DTWD1: variants seen among roughly 807,000 people sequenced by gnomAD.
DTWD1 encodes the protein tRNA-uridine aminocarboxypropyltransferase 1.
Under a neutral mutation model 30.2 loss-of-function variants are expected in DTWD1, and 27 were observed. The ratio of observed to expected loss-of-function variants is 0.90; its 90% CI spans 0.66 to 1.23. The LOEUF is 1.23. Ranked by LOEUF, DTWD1 falls within the 50% of genes most tolerant of loss-of-function variation. DTWD1 has a pLI of 0.00. For missense variants in DTWD1, 342 were observed against 348.8 expected, an observed-to-expected ratio of 0.98 and a Z score of 0.15; for synonymous variants, 99 against 113.1, an observed-to-expected ratio of 0.88 and a Z score of 0.79.
In DTWD1 at chr15:49,646,006, A is replaced by T. The variant is rs1567748867; in HGVS notation, c.*2428A>T. ...CCCACTGTGATTCTGGGTCATCTGC[A>T]TTCAGAGATTTAGTGCATTTTTACT... On this transcript the variant is annotated 3_prime_UTR_variant, in exon 5 of 5. Transcript: ENST00000403028. 1 of 152,136 alleles carries T rather than the reference A, an allele frequency of 6.6e-6. No homozygotes were observed. The highest frequency in any genetic ancestry group is 2.4e-5 in the African/African-American group (1 of 41,442). The allele number at this position is 152,136 out of a possible 1,614,324, so 9.4% of individuals were successfully genotyped here.
chr15:49,643,379 A>T lies in DTWD1; in HGVS notation c.716A>T (p.His239Leu). 1 of 1,570,962 alleles carries T rather than the reference A, an allele frequency of 6.4e-7. No individual in the cohort carries two copies. The highest frequency in any genetic ancestry group is 8.6e-7 in the Non-Finnish European group (1 of 1,166,710). Residue 239 changes from histidine to leucine, a missense_variant, in exon 5 of 5, where the codon CAT (histidine) becomes CTT (leucine). By Grantham distance (99) the His-to-Leu change is moderately conservative. Coordinates refer to ENST00000403028, the MANE Select transcript of DTWD1 (RefSeq NM_001144955.2). ...LKTRKTCFWRHQKGKPDTFLS... is the reference protein window; with the variant it reads ...LKTRKTCFWRLQKGKPDTFLS... ...ACAAGAAAAACTTGCTTTTGGCGCC[A>T]TCAAAAAGGAAAGCCAGATACTTTC...
chr15:49,655,218 G>C lies in DTWD1; in HGVS notation c.*11640G>C, dbSNP rs544210660. 29 of 152,180 alleles carry C rather than the reference G, an allele frequency of 1.9e-4. No homozygotes were observed. The highest frequency in any genetic ancestry group is 7.0e-4 in the African/African-American group (29 of 41,546). 9.4% of individuals were successfully genotyped at this position (152,180 alleles called of 1,614,324 possible). Reference sequence around the variant, plus strand: ...CATGCAACCACATAAGTGACCCTGGGTAACACCATCTGGAGCTGAAGAACC... The same window carrying C: ...CATGCAACCACATAAGTGACCCTGGCTAACACCATCTGGAGCTGAAGAACC... On this transcript the variant is annotated 3_prime_UTR_variant, in exon 5 of 5. Transcript: ENST00000403028.
At chr15:49,631,917 A>AAGATTCTCTGTTAAATG in intron 2 of DTWD1, 1 of 464,778 alleles carries the variant, frequency 2.2e-6, no homozygotes, top group Non-Finnish European at 3.9e-6. Context: ...GCTTTAAGAG[A>AAGATTCTCTGTTAAATG]AGATTCTCTG....
chr15:49,625,600 G>C, intron 2 of DTWD1, 169 bp downstream of exon 2: 1 of 698,336 alleles, frequency 1.4e-6, no homozygotes, highest in Non-Finnish European at 2.3e-6. Context: ...TTCTCAGCAG[G>C]GCACATTTAC....
chr15:49,634,494 G>A, intron 3 of DTWD1, 42 bp from the exon 4 acceptor site: 1 of 1,523,048 alleles, frequency 6.6e-7, no homozygotes, highest in African/African-American at 1.4e-5. Context: ...ATATTTTGAA[G>A]ATCATAGTAG....
rs1480954718 is a variant in DTWD1 at position 49,652,642 on chromosome 15, G to C, written c.*9064G>C. On this transcript the variant is annotated 3_prime_UTR_variant, in exon 5 of 5. Coordinates refer to ENST00000403028, the MANE Select transcript of DTWD1 (RefSeq NM_001144955.2). The stretch of plus-strand genomic sequence containing the variant: ...AAGCCCCACTGCAGCAGCAAGCACT[G>C]TAATTTGTCCCACTAATCTCCCATC... 1 of 148,060 alleles carries C rather than the reference G, an allele frequency of 6.8e-6. No individual in the cohort carries two copies. The highest frequency in any genetic ancestry group is 1.5e-5 in the Non-Finnish European group (1 of 68,086). The allele number at this position is 148,060 out of a possible 1,614,324, so 9.2% of individuals were successfully genotyped here.
intron 2 of DTWD1, among the ~76,000 whole-genome samples, chr15:49,630,629 A>G (rs2078906782): frequency 6.6e-6 from 1 of 152,272 alleles, no homozygotes; most frequent in Non-Finnish European, 1.5e-5. Context: ...TACAAAATCC[A>G]AGAGAATATT....
intron 1 of DTWD1, 114 bp from the exon 2 acceptor site, chr15:49,624,999 A>T: frequency 1.6e-6 from 1 of 635,434 alleles, no homozygotes; most frequent in Non-Finnish European, 2.6e-6. Flanking sequence ...AAACATGTTT[A>T]ATAAGTACTA....
At position 49,648,996 on chromosome 15, in the gene DTWD1, T is replaced by C. The variant is rs1165659666; in HGVS notation, c.*5418T>C. On this transcript the variant is annotated 3_prime_UTR_variant, in exon 5 of 5. Transcript: ENST00000403028. ...TCTAAGAGGTCCTTCATTTGAATAA[T>C]AGGAGTAACAGAATGGGAAAGGCGT... is the stretch of plus-strand genomic sequence containing the variant. 6.6e-6 allele frequency: 1 copy of C among 152,060 alleles called. No homozygotes were observed. The highest frequency in any genetic ancestry group is 1.5e-5 in the Non-Finnish European group (1 of 68,014). 9.4% of individuals were successfully genotyped at this position (152,060 alleles called of 1,614,324 possible).
chr15:49,633,630 C>A (rs563085598), intron 3 of DTWD1: 2 of 271,318 alleles, frequency 7.4e-6, no homozygotes, highest in Admixed American at 5.3e-5. Context: ...CCACTGTGCC[C>A]GGCCAAGATT....
At chr15:49,622,270 A>G (rs1030695681) in intron 1 of DTWD1, among the ~76,000 whole-genome samples, 38 of 152,236 alleles carry the variant, frequency 2.5e-4, no homozygotes, top group Non-Finnish European at 2.9e-5. Context: ...TACCTCCACA[A>G]TAAATGCATT....
intron 1 of DTWD1, chr15:49,623,739 T>C (rs2078801233): frequency 6.6e-6 from 1 of 152,208 alleles, no homozygotes; most frequent in African/African-American, 2.4e-5. Context: ...GGCATCTTAA[T>C]ATCCTGCACT....
At chr15:49,623,288 T>A (rs1463398704) in intron 1 of DTWD1, among the ~76,000 whole-genome samples, 1 of 152,172 alleles carries the variant, frequency 6.6e-6, no homozygotes, top group Non-Finnish European at 1.5e-5. Flanking sequence ...AAAATGTTTC[T>A]CTGTAAGAAC....
At chr15:49,633,049 C>CTATATATCTATATATATA in intron 3 of DTWD1, among the ~76,000 whole-genome samples, 1 of 117,316 alleles carries the variant, frequency 8.5e-6, no homozygotes, top group Non-Finnish European at 1.7e-5. Context: ...ATATCTATAT[C>CTATATATCTATATATATA]TATATATATA....
chr15:49,640,028 A>G (rs1598664717), intron 4 of DTWD1, among the ~76,000 whole-genome samples: 1 of 152,174 alleles, frequency 6.6e-6, no homozygotes, highest in East Asian at 1.9e-4. Flanking sequence ...TAGTGATATA[A>G]TGAACAATTA....
intron 2 of DTWD1, among the ~76,000 whole-genome samples, chr15:49,627,643 T>C (rs925103): frequency 0.63 from 95,172 of 152,142 alleles, 31,154 homozygotes; most frequent in Non-Finnish European, 0.73. Flanking sequence ...CAGCATGTTA[T>C]TGTACTGCAT....
chr15:49,636,746 G>A (rs1267906196), intron 4 of DTWD1, among the ~76,000 whole-genome samples: 3 of 152,134 alleles, frequency 2.0e-5, no homozygotes, highest in Non-Finnish European at 4.4e-5. Flanking sequence ...TCTCAGAAAT[G>A]AACCTTTTAG....
chr15:49,649,421 A>G lies in DTWD1; in HGVS notation c.*5843A>G, dbSNP rs997537113. ...TTCCAGTAAAACGGAGAAGGAAACC[A>G]AAAACCAAAAAAGAGAGCATTAAGA... On this transcript the variant is annotated 3_prime_UTR_variant, in exon 5 of 5. Coordinates refer to ENST00000403028, the MANE Select transcript of DTWD1 (RefSeq NM_001144955.2). 5.9e-5 allele frequency: 9 copies of G among 152,174 alleles called. No individual in the cohort carries two copies. The highest frequency in any genetic ancestry group is 2.2e-4 in the African/African-American group (9 of 41,442). The allele number at this position is 152,174 out of a possible 1,614,324, so 9.4% of individuals were successfully genotyped here.
Position 49,621,079 on chromosome 15 carries a change from A to T in DTWD1, c.-99A>T, listed in dbSNP as rs2078686739. The T allele has an allele frequency of 6.6e-6, 1 of 152,316 alleles. No individual in the cohort carries two copies. The highest frequency in any genetic ancestry group is 1.5e-5 in the Non-Finnish European group (1 of 68,330). 9.4% of individuals were successfully genotyped at this position (152,316 alleles called of 1,614,324 possible). ...CGGCGCGTGGCTCGGGCTCGGGCGG[A>T]GCTGGAGACGTGTGGAGCTGTTCGA... On this transcript the variant is annotated 5_prime_UTR_variant, in exon 1 of 5. Coordinates refer to ENST00000403028, the MANE Select transcript of DTWD1 (RefSeq NM_001144955.2).
Sources: gnomAD v4.1 joint callset for allele counts (sites outside exome capture counted in the v4.1 genomes callset) on GRCh38, gnomAD v4.1.1 for gene constraint, MANE v1.5 for transcripts, NCBI Gene and HGNC (gene_info 2026-07-23, HGNC 2026-07-21) for gene names.